GRIK2: variants seen among roughly 807,000 people sequenced by gnomAD.
The protein encoded by GRIK2 is glutamate receptor ionotropic, kainate 2.
A neutral mutation model predicts 100.3 loss-of-function variants in GRIK2; 32 were observed. The observed-to-expected ratio is 0.32, with a 90% CI of 0.24 to 0.43. GRIK2 has a LOEUF of 0.43. Among genes scored for constraint, GRIK2 ranks in the 20% least tolerant of loss-of-function variants. The pLI is 1.00. For missense variants in GRIK2, 843 were observed against 1,114.9 expected, an observed-to-expected ratio of 0.76 and a Z score of 3.47; for synonymous variants, 417 against 389.4, an observed-to-expected ratio of 1.07 and a Z score of -0.83.
intron 2 of GRIK2, among the ~76,000 whole-genome samples, chr6:101,472,121 T>A (rs1771976504): frequency 6.6e-6 from 1 of 151,936 alleles, no homozygotes; most frequent in East Asian, 1.9e-4. Context: ...AGCAATAATT[T>A]ATCTAAAAAA....
At chr6:101,529,110 A>G (rs148492056) in intron 2 of GRIK2, among the ~76,000 whole-genome samples, 1 of 152,246 alleles carries the variant, frequency 6.6e-6, no homozygotes, top group Non-Finnish European at 1.5e-5. Flanking sequence ...GCCTGCAGAA[A>G]TTGAACTTGA....
chr6:101,495,964 T>G lies in GRIK2; in HGVS notation c.115+96572T>G, dbSNP rs569487512. Among the ~76,000 whole-genome samples the G allele has an allele frequency of 9.9e-5, 15 of 152,136 alleles. No individual in the cohort carries two copies. The East Asian group carries it at 2.9e-3, about 29-fold the overall frequency. On this transcript the variant is annotated intron_variant, in intron 2 of 16. Coordinates refer to ENST00000369134, the MANE Select transcript of GRIK2 (RefSeq NM_021956.5). ...GAATTTTTCTTTTCTTTTTTATTTT[T>G]AGATGGAGTCTCACTCTGTCGCCCA... is the stretch of plus-strand genomic sequence containing the variant.
chr6:101,488,101 T>C (rs1328566032), intron 2 of GRIK2, among the ~76,000 whole-genome samples: 1 of 146,788 alleles, frequency 6.8e-6, no homozygotes, highest in Non-Finnish European at 1.5e-5. Flanking sequence ...GATCAAGTCT[T>C]AAAATATTTT....
chr6:101,878,009 A>G (rs370511793), intron 11 of GRIK2, among the ~76,000 whole-genome samples: 3 of 150,864 alleles, frequency 2.0e-5, no homozygotes, highest in African/African-American at 7.3e-5. Flanking sequence ...TGATGAAAGC[A>G]CACACTTCAT....
At chr6:101,635,074 T>G (rs568486887) in intron 4 of GRIK2, among the ~76,000 whole-genome samples, 90 of 152,226 alleles carry the variant, frequency 5.9e-4, no homozygotes, top group African/African-American at 1.5e-3. Flanking sequence ...TTTTATATTA[T>G]GAAGCATACA....
chr6:101,528,981 A>G (rs1457130610), intron 2 of GRIK2, among the ~76,000 whole-genome samples: 1 of 121,772 alleles, frequency 8.2e-6, no homozygotes, highest in Non-Finnish European at 1.9e-5. Flanking sequence ...TAGCCTATGA[A>G]TATCTTCTCT....
At chr6:101,534,203 T>C (rs1775580440) in intron 2 of GRIK2, among the ~76,000 whole-genome samples, 1 of 151,828 alleles carries the variant, frequency 6.6e-6, no homozygotes, top group South Asian at 2.1e-4. Flanking sequence ...AGTAGACAGA[T>C]CCTTGCAACT....
chr6:101,927,442 A>ATATATTACT (rs1436959067), intron 13 of GRIK2: 1 of 158,882 alleles, frequency 6.3e-6, no homozygotes, highest in Non-Finnish European at 1.3e-5. Flanking sequence ...AGTGAACAGT[A>ATATATTACT]ATATATGCAT....
intron 14 of GRIK2, among the ~76,000 whole-genome samples, chr6:101,996,043 A>G (rs1794634470): frequency 1.3e-5 from 2 of 151,938 alleles, no homozygotes; most frequent in Admixed American, 6.6e-5. Flanking sequence ...ATCCACCGTG[A>G]GCTTGCTGAG....
At chr6:101,964,951 C>T (rs188580521) in intron 14 of GRIK2, among the ~76,000 whole-genome samples, 169 of 151,534 alleles carry the variant, frequency 1.1e-3, no homozygotes, top group African/African-American at 3.9e-3. Flanking sequence ...GTTAAGTTTG[C>T]GGGAAAATAC....
chr6:101,495,539 T>C (rs889090650), intron 2 of GRIK2, among the ~76,000 whole-genome samples: 2 of 151,976 alleles, frequency 1.3e-5, no homozygotes, highest in Admixed American at 6.6e-5. Context: ...ATAAATAAGA[T>C]GCAGATAAAA....
At chr6:102,013,116 G>A (rs1247653183) in intron 14 of GRIK2, among the ~76,000 whole-genome samples, 1 of 152,034 alleles carries the variant, frequency 6.6e-6, no homozygotes, top group Non-Finnish European at 1.5e-5. Flanking sequence ...TCTTTGAGGA[G>A]TGTTTTGAAA....
Position 101,690,149 on chromosome 6 carries a change from T to G in GRIK2, c.951+3796T>G, listed in dbSNP as rs570660037. Among the ~76,000 whole-genome samples the G allele has an allele frequency of 4.6e-4, 70 of 152,258 alleles. No individual in the cohort carries two copies. In the South Asian group the frequency reaches 0.014, roughly 30 times the overall value. On this transcript the variant is annotated intron_variant, in intron 7 of 16. Coordinates refer to ENST00000369134, the MANE Select transcript of GRIK2 (RefSeq NM_021956.5). ...GCTATATCCCAGAAATCCTTCCCAG[T>G]GGTTCTAATATACATATGCATATTA...
At position 101,651,004 on chromosome 6, in the gene GRIK2, CTTTTTTTTTT is replaced by C. The variant is rs3056156; in HGVS notation, c.541+24377_541+24386del. ...ACTCTTTTTGTATTTCTTTCTTTTT[CTTTTTTTTTT>C]TTTTTTTTTGGCAACAAATAGCTTT... On this transcript the variant is annotated intron_variant, in intron 4 of 16. Coordinates refer to ENST00000369134, the MANE Select transcript of GRIK2 (RefSeq NM_021956.5). Among the ~76,000 whole-genome samples the C allele has an allele frequency of 7.5e-5, 9 of 119,518 alleles. No homozygotes were observed. The South Asian group carries it at 1.4e-3, about 19-fold the overall frequency. 78.4% of individuals were successfully genotyped at this position (119,518 alleles called of 152,430 possible). A position where few individuals can be genotyped will look rare whatever the true frequency, so the allele number is the denominator to read the frequency against.
intron 11 of GRIK2, among the ~76,000 whole-genome samples, chr6:101,869,015 G>T (rs897873483): frequency 1.3e-5 from 2 of 151,722 alleles, no homozygotes; most frequent in African/African-American, 4.8e-5. Context: ...ATCTAATTTT[G>T]TCAAGGGAAA....
intron 7 of GRIK2, among the ~76,000 whole-genome samples, chr6:101,713,527 C>A (rs888651381): frequency 6.6e-6 from 1 of 151,652 alleles, no homozygotes; most frequent in Admixed American, 6.6e-5. Flanking sequence ...TATCTTCAAG[C>A]ATGTGGTCTA....
intron 2 of GRIK2, among the ~76,000 whole-genome samples, chr6:101,465,259 C>A (rs1460189958): frequency 6.6e-6 from 1 of 152,102 alleles, no homozygotes; most frequent in Non-Finnish European, 1.5e-5. Context: ...TTTCTCATCT[C>A]TTCCCCCTCA....
chr6:101,654,462 C>G (rs1308806610), intron 4 of GRIK2, among the ~76,000 whole-genome samples: 1 of 152,078 alleles, frequency 6.6e-6, no homozygotes, highest in Non-Finnish European at 1.5e-5. Context: ...AGGTAGTTGG[C>G]CTACATTCTC....
intron 9 of GRIK2, among the ~76,000 whole-genome samples, chr6:101,815,669 A>G (rs907310543): frequency 1.1e-4 from 17 of 152,246 alleles, no homozygotes; most frequent in African/African-American, 4.1e-4. Flanking sequence ...ATATGACAAA[A>G]TAGTGGTTCC....
Sources: gnomAD v4.1 joint callset for allele counts (sites outside exome capture counted in the v4.1 genomes callset) on GRCh38, gnomAD v4.1.1 for gene constraint, MANE v1.5 for transcripts, NCBI Gene and HGNC (gene_info 2026-07-23, HGNC 2026-07-21) for gene names.